PHYH: variants seen among roughly 807,000 people sequenced by gnomAD.
PHYH encodes the protein phytanoyl-CoA 2-hydroxylase.
In PHYH, 32 loss-of-function variants were observed where a neutral mutation model predicts 38.5. That is an observed-to-expected ratio of 0.83 (90% CI 0.63 to 1.12). The LOEUF (loss-of-function observed/expected upper bound fraction) is 1.12. Ranked by LOEUF, PHYH falls within the 50% of genes most tolerant of loss-of-function variation. PHYH has a pLI of 0.00. For synonymous variants in PHYH, 166 were observed against 157.9 expected (o/e 1.05, Z -0.38); for missense variants, 426 against 434.8 (o/e 0.98, Z 0.18).
intron 1 of PHYH, among the ~76,000 whole-genome samples, chr10:13,298,964 T>TAAC (rs1184585156): frequency 0.034 from 2,454 of 72,008 alleles, 35 homozygotes; most frequent in Non-Finnish European, 0.044. Context: ...ATAATAATAA[T>TAAC]AACAACAATA....
At chr10:13,282,019 G>T (rs1835424279) in intron 7 of PHYH, among the ~76,000 whole-genome samples, 2 of 152,148 alleles carry the variant, frequency 1.3e-5, no homozygotes, top group South Asian at 2.1e-4. Flanking sequence ...GCCAAGGCAG[G>T]AGGATCACTT....
intron 7 of PHYH, among the ~76,000 whole-genome samples, 176 bp downstream of exon 7, chr10:13,283,514 T>C (rs1835468541): frequency 6.6e-6 from 1 of 152,168 alleles, no homozygotes; most frequent in Non-Finnish European, 1.5e-5. Flanking sequence ...TAAGCAAATA[T>C]ATTTCCTGGT....
chr10:13,285,190 ATTG>A (rs1394611116), intron 6 of PHYH, among the ~76,000 whole-genome samples: 1 of 151,932 alleles, frequency 6.6e-6, no homozygotes, highest in Non-Finnish European at 1.5e-5. Flanking sequence ...TATTATTATT[ATTG>A]TTATTACTGA....
chr10:13,296,742 G>A (rs1300000984), intron 2 of PHYH, among the ~76,000 whole-genome samples: 3 of 139,524 alleles, frequency 2.2e-5, no homozygotes, highest in Admixed American at 6.9e-5. Context: ...GGCGGATCAC[G>A]AGGTCAGATC....
chr10:13,281,857 C>A (rs1298187714), intron 7 of PHYH, among the ~76,000 whole-genome samples: 1 of 152,210 alleles, frequency 6.6e-6, no homozygotes, highest in Non-Finnish European at 1.5e-5. Context: ...AGCCCTGGTG[C>A]CATACGGCAC....
Position 13,288,517 on chromosome 10 carries a change from AG to A in PHYH, c.520del (p.Leu174CysfsTer44). On this transcript the variant is annotated frameshift_variant, in exon 6 of 9. Transcript: ENST00000263038. LOFTEE classifies it high-confidence loss of function. ...DSGKKTSRHPLHQDLHYFPFR... is the reference protein window; with the variant it reads ...DSGKKTSRHPXHQDLHYFPFR... The stretch of plus-strand genomic sequence containing the variant: ...GGGGAAATAGTGCAGGTCCTGGTGC[AG>A]GGGGTGACGGGACGTCTTCTTGCCT... 2.5e-6 allele frequency: 4 copies of A among 1,614,162 alleles called. No individual in the cohort carries two copies. Among genetic ancestry groups the A allele is most frequent in the Non-Finnish European group, 3.4e-6 (4 of 1,180,022 alleles).
rs1554785618 is a variant in PHYH at position 13,298,718 on chromosome 10, C to CACCACTACT, written c.76-474_76-473insAGTAGTGGT. On this transcript the variant is annotated intron_variant, in intron 1 of 8. Coordinates refer to ENST00000263038, the MANE Select transcript of PHYH (RefSeq NM_006214.4). ...TCCATCTCAGAAAAAAAACTACCACCACTACTACTACTACTACTACTACTA... is the reference window on the plus strand; with the variant it reads ...TCCATCTCAGAAAAAAAACTACCACCACCACTACTACTACTACTACTACTACTACTACTA... Among the ~76,000 whole-genome samples the CACCACTACT allele has an allele frequency of 9.0e-3, 840 of 93,430 alleles. 13 individuals carry two copies. The highest frequency in any genetic ancestry group is 0.029 in the African/African-American group (767 of 26,168). 61.3% of individuals were successfully genotyped at this position (93,430 alleles called of 152,430 possible). A position where few individuals can be genotyped will look rare whatever the true frequency, so the allele number is the denominator to read the frequency against.
intron 3 of PHYH, 124 bp downstream of exon 3, chr10:13,295,372 A>C (rs571381882): frequency 2.9e-6 from 2 of 692,262 alleles, no homozygotes; most frequent in African/African-American, 3.5e-5. Flanking sequence ...CCATGCTTCT[A>C]AACACTTCCC....
intron 6 of PHYH, among the ~76,000 whole-genome samples, chr10:13,287,017 GTTTA>G (rs914246766): frequency 7.9e-5 from 12 of 152,100 alleles, no homozygotes; most frequent in Non-Finnish European, 1.6e-4. Context: ...CAATGAAACT[GTTTA>G]TTTGTTTAAT....
intron 6 of PHYH, among the ~76,000 whole-genome samples, chr10:13,286,756 C>G (rs1302196668): frequency 6.7e-6 from 1 of 149,976 alleles, no homozygotes; most frequent in Non-Finnish European, 1.5e-5. Context: ...CATCAATGAA[C>G]CTCAAAATCA....
chr10:13,298,761 ACTG>A (rs769332946), intron 1 of PHYH, among the ~76,000 whole-genome samples: 4 of 100,328 alleles, frequency 4.0e-5, no homozygotes, highest in East Asian at 6.6e-4. Flanking sequence ...TACTACTACT[ACTG>A]CTACTACTAC....
In PHYH at chr10:13,277,857, T is replaced by A. The variant is rs1835323669; in HGVS notation, c.*444A>T. 1 of 239,138 alleles carries A rather than the reference T, an allele frequency of 4.2e-6. No homozygotes were observed. Among genetic ancestry groups the A allele is most frequent in the African/African-American group, 2.3e-5 (1 of 43,186 alleles). The allele number at this position is 239,138 out of a possible 1,614,324, so 14.8% of individuals were successfully genotyped here. ...ATGACACCGTTCCTATGCCCTTGAC[T>A]AGATGTGAATGTATTATACATTGTT... On this transcript the variant is annotated 3_prime_UTR_variant, in exon 9 of 9. Coordinates refer to ENST00000263038, the MANE Select transcript of PHYH (RefSeq NM_006214.4).
intron 5 of PHYH, among the ~76,000 whole-genome samples, chr10:13,289,139 T>C (rs1835637309): frequency 6.6e-6 from 1 of 152,146 alleles, no homozygotes. Flanking sequence ...TAAGTACTTA[T>C]GCACACTATT....
intron 8 of PHYH, among the ~76,000 whole-genome samples, chr10:13,279,102 G>A (rs1292331944): frequency 6.6e-6 from 1 of 151,874 alleles, no homozygotes; most frequent in African/African-American, 2.4e-5. Context: ...GGGTTCAAAT[G>A]ATTCTCCTGC....
At chr10:13,296,705 T>C (rs1835862118) in intron 2 of PHYH, among the ~76,000 whole-genome samples, 1 of 151,858 alleles carries the variant, frequency 6.6e-6, no homozygotes, top group Non-Finnish European at 1.5e-5. Flanking sequence ...CTCATGCCTG[T>C]AATCCTAGCT....
chr10:13,299,741 T>C, intron 1 of PHYH: 13 of 1,306,110 alleles, frequency 1.0e-5, no homozygotes, highest in Non-Finnish European at 1.3e-5. Flanking sequence ...AACGCGGCAA[T>C]TGCCCCGACC....
intron 6 of PHYH, among the ~76,000 whole-genome samples, chr10:13,286,112 G>A (rs545238305): frequency 2.0e-4 from 30 of 151,468 alleles, no homozygotes; most frequent in African/African-American, 6.3e-4. Flanking sequence ...AGACCTCACC[G>A]TGTTGCCCAG....
rs568823277 is a variant in PHYH, at chr10:13,295,329, A to G, written c.245+167T>C. 39 of 598,958 alleles carry G rather than the reference A, an allele frequency of 6.5e-5. No homozygotes were observed. The South Asian group carries it at 7.6e-4, about 12-fold the overall frequency. The allele number at this position is 598,958 out of a possible 1,614,324, so 37.1% of individuals were successfully genotyped here. On this transcript the variant is annotated intron_variant, in intron 3 of 8. Coordinates refer to ENST00000263038, the MANE Select transcript of PHYH (RefSeq NM_006214.4). ...CACAACAGAGTGAGAACCTTTCTCT[A>G]TAAAAAATAAAAAGCCAGTCTGGCA...
At position 13,289,726 on chromosome 10, in the gene PHYH, A is replaced by G. The variant is rs547226528; in HGVS notation, c.497-1185T>C. On this transcript the variant is annotated intron_variant, in intron 5 of 8. Coordinates refer to ENST00000263038, the MANE Select transcript of PHYH (RefSeq NM_006214.4). ...GCAGGCAGCTCTCTTGAGGTCAGGAATTTGAGACCAGCCTGGCCAACATGA... is the reference window on the plus strand; with the variant it reads ...GCAGGCAGCTCTCTTGAGGTCAGGAGTTTGAGACCAGCCTGGCCAACATGA... Among the ~76,000 whole-genome samples the G allele has an allele frequency of 4.0e-3, 600 of 150,670 alleles. 7 individuals are homozygous for G. Among genetic ancestry groups the G allele is most frequent in the African/African-American group, 0.013 (543 of 41,040 alleles).
Sources: gnomAD v4.1 joint callset for allele counts (sites outside exome capture counted in the v4.1 genomes callset) on GRCh38, gnomAD v4.1.1 for gene constraint, MANE v1.5 for transcripts, NCBI Gene and HGNC (gene_info 2026-07-23, HGNC 2026-07-21) for gene names.